SKAP2: variants seen among roughly 807,000 people sequenced by gnomAD.
SKAP2 encodes src kinase associated phosphoprotein 2, also known as src kinase-associated phosphoprotein 2.
In SKAP2, 28 loss-of-function variants were observed where a neutral mutation model predicts 54.9. The observed-to-expected ratio is 0.51, with a 90% CI of 0.38 to 0.70. SKAP2 has a LOEUF of 0.70. Ranked by LOEUF, SKAP2 falls within the 30% of genes least tolerant of loss-of-function variation. The pLI is 0.00. For missense variants in SKAP2, 356 were observed against 424.1 expected (o/e 0.84, Z 1.41); for synonymous variants, 137 against 134.3 (o/e 1.02, Z -0.14).
intron 4 of SKAP2, among the ~76,000 whole-genome samples, chr7:26,817,990 A>G (rs1584407520): frequency 6.6e-6 from 1 of 152,236 alleles, no homozygotes; most frequent in African/African-American, 2.4e-5. Flanking sequence ...AAGAATCAAT[A>G]TCATGAAAAT....
intron 1 of SKAP2, among the ~76,000 whole-genome samples, chr7:26,858,469 C>T (rs998480034): frequency 1.3e-5 from 2 of 152,126 alleles, no homozygotes; most frequent in Non-Finnish European, 2.9e-5. Context: ...ATGTTAAGGT[C>T]TGAAAACAAA....
chr7:26,864,252 G>A, intron 1 of SKAP2, 111 bp downstream of exon 1: 3 of 1,340,136 alleles, frequency 2.2e-6, no homozygotes, highest in Non-Finnish European at 3.2e-6. Context: ...GCTAGAAGAC[G>A]TGGGAAGCGC....
intron 4 of SKAP2, among the ~76,000 whole-genome samples, chr7:26,799,822 T>C (rs1296150694): frequency 6.6e-6 from 1 of 151,946 alleles, no homozygotes; most frequent in African/African-American, 2.4e-5. Flanking sequence ...ACAAAACAAG[T>C]CTTAAAACAT....
chr7:26,822,793 G>A (rs2127990708), intron 4 of SKAP2, among the ~76,000 whole-genome samples: 1 of 151,948 alleles, frequency 6.6e-6, no homozygotes, highest in African/African-American at 2.4e-5. Context: ...TGAGGCAGGA[G>A]AATGGCGTGA....
intron 4 of SKAP2, among the ~76,000 whole-genome samples, chr7:26,746,886 T>C (rs1782570296): frequency 6.6e-6 from 1 of 152,164 alleles, no homozygotes; most frequent in South Asian, 2.1e-4. Context: ...CTTTTACATC[T>C]AGCATAGAAC....
chr7:26,712,091 A>G (rs1787322190), intron 9 of SKAP2, among the ~76,000 whole-genome samples: 1 of 152,212 alleles, frequency 6.6e-6, no homozygotes, highest in Non-Finnish European at 1.5e-5. Flanking sequence ...AAGGAGGTAG[A>G]GCAGTATAGG....
intron 4 of SKAP2, among the ~76,000 whole-genome samples, chr7:26,764,396 C>T (rs1391135163): frequency 6.6e-6 from 1 of 152,046 alleles, no homozygotes; most frequent in African/African-American, 2.4e-5. Flanking sequence ...GTGTGCGTTC[C>T]TAGACGATTC....
intron 6 of SKAP2, 118 bp downstream of exon 6, chr7:26,738,677 T>C: frequency 1.6e-6 from 1 of 616,598 alleles, no homozygotes; most frequent in Non-Finnish European, 2.9e-6. Flanking sequence ...ATTATAATTG[T>C]TATAATTCTC....
At chr7:26,701,040 C>CT (rs1466183883) in intron 9 of SKAP2, among the ~76,000 whole-genome samples, 4 of 152,206 alleles carry the variant, frequency 2.6e-5, no homozygotes, top group African/African-American at 9.7e-5. Context: ...GTCCAGGCCT[C>CT]TATTATTCCA....
At chr7:26,773,787 AAAG>A (rs1263546224) in intron 4 of SKAP2, among the ~76,000 whole-genome samples, 1 of 152,228 alleles carries the variant, frequency 6.6e-6, no homozygotes, top group Non-Finnish European at 1.5e-5. Flanking sequence ...CTTGTACTGA[AAAG>A]CAGCAAGATA....
At chr7:26,780,752 T>C (rs904071861) in intron 4 of SKAP2, among the ~76,000 whole-genome samples, 1 of 152,080 alleles carries the variant, frequency 6.6e-6, no homozygotes, top group African/African-American at 2.4e-5. Flanking sequence ...AAAACCAAAG[T>C]AATTGTGATC....
chr7:26,670,638 T>C (rs1786207034), intron 11 of SKAP2, among the ~76,000 whole-genome samples: 2 of 152,116 alleles, frequency 1.3e-5, no homozygotes, highest in African/African-American at 4.8e-5. Flanking sequence ...ACTTATTTCT[T>C]AAACTTATAT....
intron 4 of SKAP2, among the ~76,000 whole-genome samples, chr7:26,823,424 T>TAAAAAAAAAAAAAAAAAAAAA: frequency 4.6e-5 from 1 of 21,532 alleles, no homozygotes; most frequent in Non-Finnish European, 1.1e-4. Context: ...AGACTTTGTC[T>TAAAAAAAAAAAAAAAAAAAAA]CAAAAAAAAA....
At chr7:26,674,601 G>A (rs760236258) in intron 11 of SKAP2, among the ~76,000 whole-genome samples, 16 of 152,058 alleles carry the variant, frequency 1.1e-4, no homozygotes, top group African/African-American at 3.6e-4. Flanking sequence ...CAATCTCTAA[G>A]GACCTCCATG....
At chr7:26,716,357 T>A (rs1180298466) in intron 9 of SKAP2, among the ~76,000 whole-genome samples, 1 of 48,568 alleles carries the variant, frequency 2.1e-5, no homozygotes, top group African/African-American at 2.4e-4. Context: ...TTATGTAGTG[T>A]CATCTGTAGT....
intron 1 of SKAP2, chr7:26,857,634 C>T (rs1041344152): frequency 2.0e-6 from 2 of 985,384 alleles, no homozygotes; most frequent in African/African-American, 3.5e-5. Flanking sequence ...CTCTGAGAAA[C>T]GCACTTCAGC....
At chr7:26,666,170 G>A (rs1456215202), downstream of SKAP2, among the ~76,000 whole-genome samples, 1 of 152,036 alleles carries the variant, frequency 6.6e-6, no homozygotes, top group Admixed American at 6.6e-5. Flanking sequence ...TCTATATGGT[G>A]TGTGTCTATA....
At chr7:26,807,107 C>CA (rs761411659) in intron 4 of SKAP2, among the ~76,000 whole-genome samples, 1 of 151,890 alleles carries the variant, frequency 6.6e-6, no homozygotes, top group African/African-American at 2.4e-5. Context: ...TTAGGATGAG[C>CA]AAAAAAAGTG....
chr7:26,849,924 T>G (rs1350164439), intron 3 of SKAP2, among the ~76,000 whole-genome samples: 1 of 152,172 alleles, frequency 6.6e-6, no homozygotes, highest in Non-Finnish European at 1.5e-5. Flanking sequence ...TACTTTCACA[T>G]TATCTTATTT....
Sources: gnomAD v4.1 joint callset for allele counts (sites outside exome capture counted in the v4.1 genomes callset) on GRCh38, gnomAD v4.1.1 for gene constraint, MANE v1.5 for transcripts, NCBI Gene and HGNC (gene_info 2026-07-23, HGNC 2026-07-21) for gene names.